KHDRBS2: variants seen among roughly 807,000 people sequenced by gnomAD.
KHDRBS2 encodes KH domain-containing, RNA-binding, signal transduction-associated protein 2.
KHDRBS2 carries 26 observed loss-of-function variants against 44.3 expected under a neutral mutation model. The observed-to-expected ratio is 0.59, with a 90% CI of 0.43 to 0.81. KHDRBS2 has a LOEUF of 0.81. KHDRBS2 is among the 40% of genes least tolerant of loss of function. The pLI, the probability that KHDRBS2 is intolerant of heterozygous loss-of-function variation, is 0.00. For missense variants in KHDRBS2, 476 were observed against 433.1 expected (o/e 1.10, Z -0.88); for synonymous variants, 194 against 151.1 (o/e 1.28, Z -2.08).
At chr6:61,594,527 C>G in the KHDRBS2 span, among the ~76,000 whole-genome samples, 277 of 152,166 alleles carry the variant, frequency 1.8e-3, 2 homozygotes, top group Non-Finnish European at 2.0e-3. Context: ...CAATTTACTG[C>G]AGACAAAAGG....
chr6:62,180,076 C>G (rs1563013334), intron 1 of KHDRBS2, among the ~76,000 whole-genome samples: 1 of 151,752 alleles, frequency 6.6e-6, no homozygotes, highest in East Asian at 1.9e-4. Flanking sequence ...AGTAAACCAT[C>G]ATCCTCAGCA....
At chr6:61,583,247 T>C in the KHDRBS2 span, among the ~76,000 whole-genome samples, 2 of 151,828 alleles carry the variant, frequency 1.3e-5, no homozygotes, top group African/African-American at 2.4e-5. Flanking sequence ...ACCTTTTTTG[T>C]TTCTAGCTTA....
the KHDRBS2 span, among the ~76,000 whole-genome samples, chr6:61,603,017 T>C: frequency 5.3e-5 from 8 of 151,956 alleles, no homozygotes; most frequent in African/African-American, 1.9e-4. Context: ...CACCTCTACT[T>C]CCTCCTTGGC....
chr6:61,975,797 T>C lies in KHDRBS2; in HGVS notation c.483+2269A>G, dbSNP rs530323984. 3.3e-5 allele frequency among the ~76,000 whole-genome samples: 5 copies of C among 152,256 alleles called. No individual in the cohort carries two copies. The South Asian group carries it at 1.0e-3, about 32-fold the overall frequency. The stretch of plus-strand genomic sequence containing the variant: ...AAATAGAGTGGTTAGTGATACTACG[T>C]TCAAAATATAGTAAGACTGCATGAT... On this transcript the variant is annotated intron_variant, in intron 4 of 8. Transcript: ENST00000281156.
chr6:61,823,149 T>C (rs1307183449), intron 6 of KHDRBS2, among the ~76,000 whole-genome samples: 2 of 151,980 alleles, frequency 1.3e-5, no homozygotes, highest in Admixed American at 1.3e-4. Context: ...CTAGACTCAG[T>C]TGCAAAGGGG....
intron 1 of KHDRBS2, among the ~76,000 whole-genome samples, chr6:62,269,440 A>C (rs1476028293): frequency 6.6e-6 from 1 of 152,098 alleles, no homozygotes; most frequent in East Asian, 1.9e-4. Flanking sequence ...ACTCATTTCA[A>C]ATAAGAATAC....
chr6:61,700,322 G>T (rs559262625), intron 7 of KHDRBS2, among the ~76,000 whole-genome samples: 1 of 150,862 alleles, frequency 6.6e-6, no homozygotes, highest in South Asian at 2.1e-4. Flanking sequence ...AGTAGTGGGA[G>T]AGAATATGAT....
rs70993183 is a variant in KHDRBS2 at position 61,843,341 on chromosome 6, TTTATTATTA to T, written c.810+51285_810+51293del. On this transcript the variant is annotated intron_variant, in intron 6 of 8. Transcript: ENST00000281156. Reference sequence around the variant, plus strand: ...GGCATGGTATATGAATTATATCTATTTTATTATTATTATTATTATTATTATTATTATTAT... The same window carrying T: ...GGCATGGTATATGAATTATATCTATTTTATTATTATTATTATTATTATTAT... Among the ~76,000 whole-genome samples, 352 of 143,358 alleles carry T rather than the reference TTTATTATTA, an allele frequency of 2.5e-3. 3 individuals are homozygous for T. Among genetic ancestry groups the T allele is most frequent in the Admixed American group, 0.017 (248 of 14,220 alleles). The allele number at this position is 143,358 out of a possible 152,430, so 94.0% of individuals were successfully genotyped here.
intron 1 of KHDRBS2, among the ~76,000 whole-genome samples, chr6:62,239,412 A>C (rs150573627): frequency 1.3e-5 from 2 of 152,152 alleles, no homozygotes; most frequent in East Asian, 3.9e-4. Flanking sequence ...GTCTCTGCTA[A>C]AAATACAAAA....
the KHDRBS2 span, among the ~76,000 whole-genome samples, chr6:61,594,751 T>G: frequency 1.3e-5 from 2 of 152,130 alleles, no homozygotes; most frequent in Admixed American, 6.5e-5. Flanking sequence ...TATCTCTTTT[T>G]CAGATGCCTC....
chr6:62,258,490 T>C (rs1013918152), intron 1 of KHDRBS2, among the ~76,000 whole-genome samples: 3 of 152,030 alleles, frequency 2.0e-5, no homozygotes, highest in Non-Finnish European at 2.9e-5. Context: ...GCATGTAAAT[T>C]TAGAGTCAGA....
At chr6:62,065,773 T>TA (rs1206549928) in intron 2 of KHDRBS2, among the ~76,000 whole-genome samples, 6 of 147,712 alleles carry the variant, frequency 4.1e-5, no homozygotes, top group Non-Finnish European at 8.9e-5. Context: ...CCCTAAAACT[T>TA]AAAGTATAAA....
intron 7 of KHDRBS2, among the ~76,000 whole-genome samples, chr6:61,708,019 G>T (rs1042678725): frequency 1.3e-5 from 2 of 151,446 alleles, no homozygotes; most frequent in Non-Finnish European, 1.5e-5. Flanking sequence ...GCCAGCATTT[G>T]GTGCACATAT....
chr6:62,139,176 T>G (rs1224823798), intron 2 of KHDRBS2, among the ~76,000 whole-genome samples: 1 of 152,086 alleles, frequency 6.6e-6, no homozygotes, highest in African/African-American at 2.4e-5. Context: ...AATTGTTCCC[T>G]AGATGCCAAT....
intron 1 of KHDRBS2, among the ~76,000 whole-genome samples, chr6:62,282,149 T>C (rs1292520383): frequency 1.3e-5 from 2 of 152,154 alleles, no homozygotes; most frequent in East Asian, 1.9e-4. Flanking sequence ...AGAAACACGA[T>C]CTAACTAAAA....
At chr6:61,927,963 T>C (rs2127364256) in intron 4 of KHDRBS2, among the ~76,000 whole-genome samples, 3 of 152,258 alleles carry the variant, frequency 2.0e-5, no homozygotes, top group South Asian at 2.1e-4. Context: ...TACAGTGACC[T>C]CACTGAGCTC....
chr6:62,266,278 CT>C (rs1563159216), intron 1 of KHDRBS2, among the ~76,000 whole-genome samples: 1 of 152,046 alleles, frequency 6.6e-6, no homozygotes, highest in African/African-American at 2.4e-5. Flanking sequence ...ATCTGTCCAC[CT>C]TCTACGAGCC....
chr6:61,840,437 T>A (rs1793419732), intron 6 of KHDRBS2, among the ~76,000 whole-genome samples: 1 of 152,110 alleles, frequency 6.6e-6, no homozygotes. Flanking sequence ...CTACTTTAAG[T>A]TCTCTGGACA....
intron 1 of KHDRBS2, among the ~76,000 whole-genome samples, chr6:62,218,448 A>G: frequency 6.6e-6 from 1 of 151,854 alleles, no homozygotes; most frequent in East Asian, 1.9e-4. Context: ...GAACCAACAC[A>G]AACAAAAGAA....
Sources: gnomAD v4.1 joint callset for allele counts (sites outside exome capture counted in the v4.1 genomes callset) on GRCh38, gnomAD v4.1.1 for gene constraint, MANE v1.5 for transcripts, NCBI Gene and HGNC (gene_info 2026-07-23, HGNC 2026-07-21) for gene names.